UBL3: variants seen among roughly 807,000 people sequenced by gnomAD.
UBL3 encodes ubiquitin-like protein 3.
UBL3 carries 6 observed loss-of-function variants against 18.4 expected under a neutral mutation model. That is an observed-to-expected ratio of 0.33 (90% CI 0.18 to 0.64). The LOEUF is 0.64. Among genes scored for constraint, UBL3 ranks in the 30% least tolerant of loss-of-function variants. The pLI is 0.76. For synonymous variants in UBL3, 49 were observed against 46.6 expected, an observed-to-expected ratio of 1.05 and a Z score of -0.21; for missense variants, 109 against 142.9, an observed-to-expected ratio of 0.76 and a Z score of 1.21.
At chr13:29,846,562 T>TA (rs1404385757) in intron 1 of UBL3, among the ~76,000 whole-genome samples, 1 of 152,044 alleles carries the variant, frequency 6.6e-6, no homozygotes, top group Non-Finnish European at 1.5e-5. Context: ...AAACCAAAGC[T>TA]AAAAAATCTA....
intron 1 of UBL3, among the ~76,000 whole-genome samples, chr13:29,798,466 T>C (rs1455807188): frequency 6.6e-6 from 1 of 152,208 alleles, no homozygotes; most frequent in Non-Finnish European, 1.5e-5. Context: ...ACAAGATCTC[T>C]AATAAGCCAT....
At chr13:29,769,549 G>A (rs906466197) in intron 3 of UBL3, among the ~76,000 whole-genome samples, 1 of 151,980 alleles carries the variant, frequency 6.6e-6, no homozygotes, top group Non-Finnish European at 1.5e-5. Context: ...TGGGGGTTGG[G>A]GAGAGAGGGC....
intron 2 of UBL3, among the ~76,000 whole-genome samples, chr13:29,775,404 G>A (rs1321582730): frequency 6.6e-6 from 1 of 152,092 alleles, no homozygotes; most frequent in Non-Finnish European, 1.5e-5. Flanking sequence ...ATTATTTAAG[G>A]TTGAGAAACA....
chr13:29,825,996 G>A (rs1296547066), intron 1 of UBL3, among the ~76,000 whole-genome samples: 1 of 152,162 alleles, frequency 6.6e-6, no homozygotes, highest in Non-Finnish European at 1.5e-5. Context: ...GCTGGATTAT[G>A]TTTATTGATT....
At chr13:29,778,334 T>G (rs1877054307) in intron 1 of UBL3, among the ~76,000 whole-genome samples, 2 of 152,250 alleles carry the variant, frequency 1.3e-5, no homozygotes, top group African/African-American at 4.8e-5. Flanking sequence ...AATTTTTATC[T>G]GTTGTAATTA....
chr13:29,781,141 C>T (rs1458227616), intron 1 of UBL3, among the ~76,000 whole-genome samples: 3 of 152,150 alleles, frequency 2.0e-5, no homozygotes, highest in Admixed American at 6.5e-5. Flanking sequence ...CACTACTGCA[C>T]TCCAGCCTGG....
At chr13:29,783,081 T>C (rs993589643) in intron 1 of UBL3, among the ~76,000 whole-genome samples, 16 of 152,356 alleles carry the variant, frequency 1.1e-4, no homozygotes, top group Admixed American at 8.5e-4. Context: ...TGGCATTGTA[T>C]TGAATGAGTG....
At chr13:29,788,880 C>T (rs1389973594) in intron 1 of UBL3, among the ~76,000 whole-genome samples, 3 of 28,418 alleles carry the variant, frequency 1.1e-4, no homozygotes, top group South Asian at 1.6e-3. Flanking sequence ...TGCGCGCGCG[C>T]GCGCACGCGC....
chr13:29,826,961 G>A lies in UBL3; in HGVS notation c.27+22551C>T, dbSNP rs374025148. Among the ~76,000 whole-genome samples the A allele has an allele frequency of 1.6e-4, 25 of 152,260 alleles. No individual in the cohort carries two copies. In the South Asian group the frequency reaches 4.4e-3, roughly 27 times the overall value. ...TTATGTACCCAGTAGTCATTCCGGA[G>A]CTTGCTGTTCAGTTTCCATGCAGTT... On this transcript the variant is annotated intron_variant, in intron 1 of 4. Coordinates refer to ENST00000380680, the MANE Select transcript of UBL3 (RefSeq NM_007106.4).
chr13:29,842,134 CTTTTTTTTTTTTT>C (rs201006689), intron 1 of UBL3, among the ~76,000 whole-genome samples: 82,225 of 128,678 alleles, frequency 0.64, 25,205 homozygotes, highest in Middle Eastern at 0.73. Flanking sequence ...CATTCTCTTT[CTTTTTTTTTTTTT>C]TTTTTTTTTT....
intron 1 of UBL3, among the ~76,000 whole-genome samples, chr13:29,840,571 GA>G (rs1441054872): frequency 6.6e-6 from 1 of 151,784 alleles, no homozygotes; most frequent in African/African-American, 2.4e-5. Context: ...AAAACTCAAT[GA>G]AGTATTATCT....
At chr13:29,845,530 C>T (rs1480386390) in intron 1 of UBL3, among the ~76,000 whole-genome samples, 2 of 151,958 alleles carry the variant, frequency 1.3e-5, no homozygotes, top group Non-Finnish European at 2.9e-5. Flanking sequence ...GGCATTTTCT[C>T]CTGGTATATT....
chr13:29,835,089 AATATATATATATATATAAAT>A lies in UBL3; in HGVS notation c.27+14403_27+14422del, dbSNP rs1878886603. On this transcript the variant is annotated intron_variant, in intron 1 of 4. Transcript: ENST00000380680. ...GCAGCAAATAAAATATATAAATATA[AATATATATATATATATAAAT>A]ATATATATATATATAAATATATATA... Among the ~76,000 whole-genome samples, 170 of 74,230 alleles carry A rather than the reference AATATATATATATATATAAAT, an allele frequency of 2.3e-3. 6 individuals are homozygous for A. Among genetic ancestry groups the A allele is most frequent in the African/African-American group, 2.9e-3 (46 of 15,722 alleles). 48.7% of individuals were successfully genotyped at this position (74,230 alleles called of 152,430 possible).
intron 1 of UBL3, among the ~76,000 whole-genome samples, chr13:29,781,828 TAA>T (rs11357100): frequency 0.078 from 6,479 of 82,890 alleles, 204 homozygotes; most frequent in African/African-American, 0.13. Flanking sequence ...TACAAAAAAT[TAA>T]AAAAAAAAAA....
chr13:29,813,746 G>T (rs1428516388), intron 1 of UBL3, among the ~76,000 whole-genome samples: 1 of 151,974 alleles, frequency 6.6e-6, no homozygotes, highest in Non-Finnish European at 1.5e-5. Context: ...TGATGGTAGG[G>T]TCCTGAACAA....
intron 1 of UBL3, among the ~76,000 whole-genome samples, chr13:29,783,539 G>A (rs113476939): frequency 0.012 from 1,859 of 152,260 alleles, 17 homozygotes; most frequent in South Asian, 0.035. Context: ...GCAGATAACT[G>A]GATACCGGGC....
chr13:29,849,470 A>G, intron 1 of UBL3, 42 bp downstream of exon 1: 1 of 1,613,886 alleles, frequency 6.2e-7, no homozygotes, highest in Non-Finnish European at 8.5e-7. Flanking sequence ...ATAAGATTGG[A>G]AACCACAATT....
intron 1 of UBL3, among the ~76,000 whole-genome samples, chr13:29,798,968 C>T (rs1049276195): frequency 6.6e-6 from 1 of 152,156 alleles, no homozygotes; most frequent in Non-Finnish European, 1.5e-5. Flanking sequence ...GAAACTGAAG[C>T]TTGAATGAGG....
intron 1 of UBL3, among the ~76,000 whole-genome samples, chr13:29,837,930 T>C (rs998422601): frequency 4.7e-5 from 7 of 148,678 alleles, no homozygotes; most frequent in African/African-American, 1.7e-4. Context: ...ATAATAATAA[T>C]AATAATAATA....
Sources: gnomAD v4.1 joint callset for allele counts (sites outside exome capture counted in the v4.1 genomes callset) on GRCh38, gnomAD v4.1.1 for gene constraint, MANE v1.5 for transcripts, NCBI Gene and HGNC (gene_info 2026-07-23, HGNC 2026-07-21) for gene names.